The following RYR2 variants were observed in gnomAD, a reference collection of about 807,000 sequenced individuals.
The protein encoded by RYR2 is cardiac muscle ryanodine receptor-calcium release channel.
In RYR2, 227 loss-of-function variants were observed where a neutral mutation model predicts 601.1. The ratio of observed to expected loss-of-function variants is 0.38; its 90% CI spans 0.34 to 0.42. RYR2 has a LOEUF of 0.42. Ranked by LOEUF, RYR2 falls within the 10% of genes least tolerant of loss-of-function variation. The probability of loss-of-function intolerance (pLI) is 1.00; values close to 1 mark genes in which losing one functional copy is unlikely to be tolerated. For synonymous variants in RYR2, 2,223 were observed against 2,175.1 expected (o/e 1.02, Z -0.61); for missense variants, 4,646 against 6,156.5 (o/e 0.75, Z 8.21).
rs568227891 is a variant in RYR2 at position 237,147,388 on chromosome 1, ATAT to A, written c.48+104823_48+104825del. 2.8e-3 allele frequency among the ~76,000 whole-genome samples: 434 copies of A among 152,284 alleles called. 4 individuals are homozygous for A. Among genetic ancestry groups the A allele is most frequent in the African/African-American group, 1.0e-2 (415 of 41,560 alleles). ...AATACCAACAGTATCCAATGAAAAA[ATAT>A]TATGAGGGTATGGGGGTAGGGGTGG... On this transcript the variant is annotated intron_variant, in intron 1 of 104. Coordinates refer to ENST00000366574, the MANE Select transcript of RYR2 (RefSeq NM_001035.3).
chr1:237,085,202 A>T (rs1362279660), intron 1 of RYR2, among the ~76,000 whole-genome samples: 1 of 152,190 alleles, frequency 6.6e-6, no homozygotes. Context: ...ATCTCCAGGG[A>T]TATTAGGGTA....
chr1:237,285,279 AGAT>A, intron 2 of RYR2, among the ~76,000 whole-genome samples: 1 of 152,322 alleles, frequency 6.6e-6, no homozygotes, highest in African/African-American at 2.4e-5. Context: ...GCATCTATTG[AGAT>A]GATCATGTGA....
intron 64 of RYR2, 109 bp downstream of exon 64, chr1:237,699,134 AAT>A: frequency 3.3e-6 from 2 of 600,052 alleles, no homozygotes; most frequent in South Asian, 2.9e-5. Flanking sequence ...TTGGATTTGT[AAT>A]AAAGTCTTTA....
At chr1:237,657,491 G>A (rs977940909) in intron 53 of RYR2, among the ~76,000 whole-genome samples, 1 of 151,730 alleles carries the variant, frequency 6.6e-6, no homozygotes, top group Non-Finnish European at 1.5e-5. Context: ...TTATCAAAAA[G>A]CAGGAGTTAA....
At chr1:237,802,877 C>G (rs938729596) in intron 98 of RYR2, among the ~76,000 whole-genome samples, 38 of 152,134 alleles carry the variant, frequency 2.5e-4, no homozygotes, top group African/African-American at 8.9e-4. Flanking sequence ...GTTTTTTTGT[C>G]CTCTTGATAA....
chr1:237,664,519 G>A (rs188791718), intron 56 of RYR2, among the ~76,000 whole-genome samples: 25 of 152,320 alleles, frequency 1.6e-4, no homozygotes, highest in Admixed American at 7.2e-4. Context: ...GGTGGTAGAC[G>A]AGAAGAATGA....
chr1:237,717,473 C>A, intron 72 of RYR2, 105 bp downstream of exon 72: 2 of 978,398 alleles, frequency 2.0e-6, no homozygotes, highest in South Asian at 2.4e-5. Context: ...ATTTGCATTA[C>A]ATGTTTTATT....
At chr1:237,434,688 A>G (rs898607365) in intron 12 of RYR2, among the ~76,000 whole-genome samples, 6 of 152,232 alleles carry the variant, frequency 3.9e-5, no homozygotes, top group African/African-American at 1.4e-4. Flanking sequence ...TACAATGAAT[A>G]GAAGTCTTTT....
chr1:237,126,585 A>C (rs988701276), intron 1 of RYR2, among the ~76,000 whole-genome samples: 1 of 151,994 alleles, frequency 6.6e-6, no homozygotes, highest in African/African-American at 2.4e-5. Flanking sequence ...TTTCTTCCAC[A>C]GGTGTCAGAC....
chr1:237,332,888 C>T (rs1179313845), intron 3 of RYR2, among the ~76,000 whole-genome samples: 1 of 151,972 alleles, frequency 6.6e-6, no homozygotes, highest in Non-Finnish European at 1.5e-5. Flanking sequence ...TGCTATATGG[C>T]CCAGGCTGGT....
intron 58 of RYR2, among the ~76,000 whole-genome samples, chr1:237,672,489 A>G (rs1244909946): frequency 6.6e-6 from 1 of 152,142 alleles, no homozygotes; most frequent in African/African-American, 2.4e-5. Context: ...CTGATACATA[A>G]TTGTCTATAT....
chr1:237,475,519 A>T (rs1661303780), intron 17 of RYR2, among the ~76,000 whole-genome samples: 1 of 152,186 alleles, frequency 6.6e-6, no homozygotes, highest in South Asian at 2.1e-4. Flanking sequence ...GTTAGGAAAT[A>T]AGAAAAAGTG....
At chr1:237,682,232 C>T (rs1228112079) in intron 62 of RYR2, among the ~76,000 whole-genome samples, 2 of 152,000 alleles carry the variant, frequency 1.3e-5, no homozygotes, top group East Asian at 3.9e-4. Context: ...GAACTATACA[C>T]CAAAAAAGAA....
intron 6 of RYR2, among the ~76,000 whole-genome samples, chr1:237,370,710 G>C (rs968386710): frequency 6.7e-6 from 1 of 149,412 alleles, no homozygotes; most frequent in African/African-American, 2.5e-5. Flanking sequence ...GCCCAGGCTG[G>C]AGTGCAGTGG....
chr1:237,307,016 C>G (rs939494237), intron 2 of RYR2, among the ~76,000 whole-genome samples: 4 of 152,150 alleles, frequency 2.6e-5, no homozygotes, highest in Admixed American at 1.3e-4. Context: ...CCTAAGAAAA[C>G]TGTAATACCT....
At chr1:237,564,901 T>C (rs1271937598) in intron 27 of RYR2, among the ~76,000 whole-genome samples, 5 of 152,232 alleles carry the variant, frequency 3.3e-5, no homozygotes, top group Non-Finnish European at 5.9e-5. Flanking sequence ...TCCACTGCTT[T>C]ACTTCATCTC....
chr1:237,568,091 T>G (rs1459236871), intron 28 of RYR2, among the ~76,000 whole-genome samples: 2 of 152,228 alleles, frequency 1.3e-5, no homozygotes, highest in African/African-American at 4.8e-5. Flanking sequence ...GGAAGTAACC[T>G]GAGGAAGTTA....
Position 237,786,012 on chromosome 1 carries a change from C to A in RYR2, c.13304C>A (p.Thr4435Asn). The change falls in exon 91 of 105, where the codon ACC becomes AAC. Residue 4435 changes from threonine (T) to asparagine (N), a missense_variant. By Grantham distance (65) the Thr-to-Asn change is moderately conservative (BLOSUM62 0). Coordinates refer to ENST00000366574, the MANE Select transcript of RYR2 (RefSeq NM_001035.3). Reference protein sequence around the residue: ...KEEEKEEKEETKSEPEKAEGE... With the variant: ...KEEEKEEKEENKSEPEKAEGE... ...GAAGAAAAGGAAGAAAAAGAAGAAA[C>A]CAAATCTGAACCTGAAAAAGCCGAG... 3.8e-6 allele frequency: 6 copies of A among 1,590,754 alleles called. No homozygotes were observed. Among genetic ancestry groups the A allele is most frequent in the East Asian group, 4.5e-5 (2 of 44,246 alleles).
chr1:237,732,222 A>G (rs1025799999), intron 78 of RYR2, 73 bp downstream of exon 78: 89 of 838,942 alleles, frequency 1.1e-4, no homozygotes, highest in Non-Finnish European at 1.6e-4. Context: ...ATTCTGTGCC[A>G]TGTGTTCATG....
Sources: gnomAD v4.1 joint callset for allele counts (sites outside exome capture counted in the v4.1 genomes callset) on GRCh38, gnomAD v4.1.1 for gene constraint, MANE v1.5 for transcripts, NCBI Gene and HGNC (gene_info 2026-07-23, HGNC 2026-07-21) for gene names.